Variants in BCOR observed in about 807,000 individuals in gnomAD.
BCOR encodes BCL6 corepressor.
A neutral mutation model predicts 86.7 loss-of-function variants in BCOR; 10 were observed. The observed-to-expected ratio is 0.12, with a 90% CI of 0.07 to 0.20. The LOEUF (loss-of-function observed/expected upper bound fraction) is 0.20. BCOR is among the 10% of genes least tolerant of loss of function. BCOR has a pLI of 1.00. For synonymous variants in BCOR, 611 were observed against 609.0 expected, an observed-to-expected ratio of 1.00 and a Z score of -0.05; for missense variants, 1,259 against 1,452.1, an observed-to-expected ratio of 0.87 and a Z score of 2.16.
intron 1 of BCOR, among the ~76,000 whole-genome samples, chrX:40,143,240 C>A (rs765794955): frequency 9.0e-6 from 1 of 111,330 alleles, no homozygotes; most frequent in South Asian, 3.8e-4. Context: ...GTGTGTGTGT[C>A]TGTGTGTGTT....
intron 6 of BCOR, among the ~76,000 whole-genome samples, chrX:40,065,741 C>T (rs1238231078): frequency 8.9e-6 from 1 of 112,048 alleles, no homozygotes; most frequent in Non-Finnish European, 1.9e-5. Context: ...GAAATGATCC[C>T]TCTCATCACC....
chrX:40,152,850 T>C (rs1276446178), intron 1 of BCOR, among the ~76,000 whole-genome samples: 1 of 112,637 alleles, frequency 8.9e-6, no homozygotes, highest in South Asian at 3.7e-4. Context: ...GGAAAGGCGG[T>C]TGACTGCATT....
At chrX:40,159,986 A>C (rs1938378359) in intron 1 of BCOR, among the ~76,000 whole-genome samples, 1 of 113,065 alleles carries the variant, frequency 8.8e-6, no homozygotes, top group African/African-American at 3.2e-5. Context: ...TGTGGTTACA[A>C]AGTAAACACT....
intron 1 of BCOR, among the ~76,000 whole-genome samples, chrX:40,110,174 T>C (rs1937275956): frequency 8.9e-6 from 1 of 112,383 alleles, no homozygotes; most frequent in African/African-American, 3.2e-5. Flanking sequence ...TTATTTATCA[T>C]CTTAATTTAT....
At chrX:40,176,318 A>T (rs773748374) in intron 1 of BCOR, among the ~76,000 whole-genome samples, 1 of 110,728 alleles carries the variant, frequency 9.0e-6, no homozygotes, top group Admixed American at 9.4e-5. Flanking sequence ...TCCGGCTTGC[A>T]CCCCCGCGAG....
chrX:40,085,410 G>A (rs771595045), intron 1 of BCOR, among the ~76,000 whole-genome samples: 2 of 111,281 alleles, frequency 1.8e-5, no homozygotes, highest in African/African-American at 3.3e-5. Context: ...GGCGAAACTC[G>A]TTTTGCAAGC....
intron 1 of BCOR, among the ~76,000 whole-genome samples, chrX:40,109,185 C>T (rs1383353415): frequency 3.6e-5 from 4 of 112,197 alleles, no homozygotes; most frequent in East Asian, 2.9e-4. Flanking sequence ...CTCGGCTCTG[C>T]GCTCCCGGGT....
At chrX:40,112,052 G>A (rs936618639) in intron 1 of BCOR, among the ~76,000 whole-genome samples, 1 of 110,717 alleles carries the variant, frequency 9.0e-6, no homozygotes, top group Non-Finnish European at 1.9e-5. Flanking sequence ...CGGGGTGGGG[G>A]GGCGGCGTTG....
intron 1 of BCOR, among the ~76,000 whole-genome samples, chrX:40,108,249 A>G (rs2147819367): frequency 9.0e-6 from 1 of 111,640 alleles, no homozygotes; most frequent in East Asian, 2.8e-4. Context: ...ACACAGCTAG[A>G]GCCGCCAAGT....
At chrX:40,078,028 C>A (rs1288605812) in intron 1 of BCOR, 59 bp from the exon 2 acceptor site, 1 of 712,643 alleles carries the variant, frequency 1.4e-6, no homozygotes, top group East Asian at 3.2e-5. Context: ...CCAAACAGGG[C>A]GCTAGAGAAG....
At chrX:40,059,647 G>A (rs986866179) in intron 10 of BCOR, among the ~76,000 whole-genome samples, 27 of 113,014 alleles carry the variant, frequency 2.4e-4, no homozygotes, top group African/African-American at 7.4e-4. Context: ...GCTGGAAATG[G>A]GAGTGTTTGA....
chrX:40,123,832 C>G (rs749728516), intron 1 of BCOR, among the ~76,000 whole-genome samples: 1 of 109,995 alleles, frequency 9.1e-6, no homozygotes, highest in Non-Finnish European at 1.9e-5. Flanking sequence ...CACGCGCGCA[C>G]GCATAAGAGG....
At chrX:40,145,828 C>T (rs1938036930) in intron 1 of BCOR, among the ~76,000 whole-genome samples, 1 of 111,680 alleles carries the variant, frequency 9.0e-6, no homozygotes, top group Non-Finnish European at 1.9e-5. Context: ...GAAGCGGACC[C>T]GGATTAGGGG....
intron 1 of BCOR, among the ~76,000 whole-genome samples, chrX:40,094,186 G>C (rs981685916): frequency 2.5e-4 from 28 of 111,586 alleles, no homozygotes; most frequent in Non-Finnish European, 1.5e-4. Context: ...CCAGCTCGCT[G>C]GGCCCGGAGG....
In BCOR at chrX:40,074,203, G is replaced by A. The variant is rs780674096; in HGVS notation, c.1143C>T (p.Ser381=). ...ALSKPYMTVS[S]EFPAARLSNG... ...TGGAGAGCCTGGCCGCGGGGAACTCGCTGCTAACTGTCATGTATGGCTTTG... is the reference window on the plus strand; with the variant it reads ...TGGAGAGCCTGGCCGCGGGGAACTCACTGCTAACTGTCATGTATGGCTTTG... Residue 381 remains serine, a synonymous_variant, in exon 4 of 15, where the codon AGC becomes AGT. Transcript: ENST00000378444. 7.4e-6 allele frequency: 9 copies of A among 1,210,931 alleles called. No individual in the cohort carries two copies. The highest frequency in any genetic ancestry group is 7.0e-5 in the African/African-American group (4 of 57,470).
At chrX:40,155,490 G>A (rs1280774834) in intron 1 of BCOR, among the ~76,000 whole-genome samples, 2 of 111,131 alleles carry the variant, frequency 1.8e-5, no homozygotes, top group Admixed American at 1.9e-4. Context: ...AAGGGAAGGA[G>A]GAGTGGGAGG....
chrX:40,168,434 C>T (rs368857011), intron 1 of BCOR, among the ~76,000 whole-genome samples: 2 of 112,914 alleles, frequency 1.8e-5, no homozygotes, highest in East Asian at 2.8e-4. Context: ...CAAACACCCC[C>T]CTCCTAGCCT....
intron 1 of BCOR, among the ~76,000 whole-genome samples, chrX:40,092,486 A>C (rs1295067022): frequency 2.7e-5 from 3 of 110,620 alleles, no homozygotes; most frequent in Non-Finnish European, 3.8e-5. Flanking sequence ...GAAAAGAAAG[A>C]AAGCATACCT....
intron 1 of BCOR, among the ~76,000 whole-genome samples, chrX:40,168,695 C>T (rs759999214): frequency 2.6e-3 from 296 of 112,998 alleles, no homozygotes; most frequent in Non-Finnish European, 5.1e-3. Context: ...CCACATCGGG[C>T]CTTCCCGCAC....
Sources: gnomAD v4.1 joint callset for allele counts (sites outside exome capture counted in the v4.1 genomes callset) on GRCh38, gnomAD v4.1.1 for gene constraint, MANE v1.5 for transcripts, NCBI Gene and HGNC (gene_info 2026-07-23, HGNC 2026-07-21) for gene names.